The following LRMDA variants were observed in gnomAD, a reference collection of about 807,000 sequenced individuals.
The protein encoded by LRMDA is leucine-rich melanocyte differentiation-associated protein.
Under a neutral mutation model 29.8 loss-of-function variants are expected in LRMDA, and 18 were observed. That is an observed-to-expected ratio of 0.60 (90% confidence interval 0.42 to 0.90). The LOEUF is 0.90. Among genes scored for constraint, LRMDA ranks in the 40% least tolerant of loss-of-function variants. LRMDA has a pLI of 0.00. For synonymous variants in LRMDA, 125 were observed against 109.4 expected (o/e 1.14, Z -0.89); for missense variants, 273 against 273.9 (o/e 1.00, Z 0.02).
intron 2 of LRMDA, among the ~76,000 whole-genome samples, chr10:75,611,536 C>T (rs1841031805): frequency 6.6e-6 from 1 of 152,184 alleles, no homozygotes; most frequent in Admixed American, 6.5e-5. Context: ...TCCCCTCCTC[C>T]CCTCAGCCCC....
At chr10:76,106,457 T>C (rs1165534765) in intron 5 of LRMDA, among the ~76,000 whole-genome samples, 3 of 152,168 alleles carry the variant, frequency 2.0e-5, no homozygotes, top group Admixed American at 1.3e-4. Context: ...CCCCTGTTGG[T>C]CTTTAGCCAT....
chr10:76,335,667 G>A (rs1840958784), intron 6 of LRMDA, among the ~76,000 whole-genome samples: 4 of 152,214 alleles, frequency 2.6e-5, no homozygotes, highest in South Asian at 4.2e-4. Flanking sequence ...CTTTAAGTGG[G>A]GGGAGCTTCC....
chr10:76,271,525 G>A (rs1840067843), intron 5 of LRMDA, among the ~76,000 whole-genome samples: 1 of 152,078 alleles, frequency 6.6e-6, no homozygotes, highest in Non-Finnish European at 1.5e-5. Flanking sequence ...ACAAAGGAAT[G>A]CTCCCTATGG....
chr10:75,779,339 T>C (rs1232945389), intron 2 of LRMDA, among the ~76,000 whole-genome samples: 1 of 151,804 alleles, frequency 6.6e-6, no homozygotes, highest in Non-Finnish European at 1.5e-5. Flanking sequence ...CTGGGACCAG[T>C]AGAGAAAACA....
chr10:76,272,566 A>C (rs1840081169), intron 5 of LRMDA, among the ~76,000 whole-genome samples: 1 of 152,198 alleles, frequency 6.6e-6, no homozygotes, highest in East Asian at 1.9e-4. Flanking sequence ...TTCTAGAATA[A>C]TTTCTCAGCA....
intron 2 of LRMDA, among the ~76,000 whole-genome samples, chr10:75,960,998 A>G (rs560170742): frequency 6.6e-6 from 1 of 152,322 alleles, no homozygotes; most frequent in East Asian, 1.9e-4. Flanking sequence ...GATTTGTCAA[A>G]TCTTTGATAG....
At chr10:76,090,831 G>A (rs1207246987) in intron 5 of LRMDA, among the ~76,000 whole-genome samples, 3 of 152,182 alleles carry the variant, frequency 2.0e-5, no homozygotes, top group Admixed American at 1.3e-4. Flanking sequence ...GAGGGGTCGT[G>A]AGGGGCTGGG....
At chr10:76,325,418 C>T (rs1840822064) in intron 6 of LRMDA, among the ~76,000 whole-genome samples, 1 of 152,160 alleles carries the variant, frequency 6.6e-6, no homozygotes, top group African/African-American at 2.4e-5. Flanking sequence ...TTTAAATATA[C>T]TTTAGTTAAT....
At chr10:76,386,391 G>A (rs112664751) in intron 6 of LRMDA, among the ~76,000 whole-genome samples, 42 of 152,232 alleles carry the variant, frequency 2.8e-4, no homozygotes, top group African/African-American at 6.5e-4. Context: ...ACCCATTTTC[G>A]GTTAATACTA....
chr10:76,265,281 G>C (rs1165922936), intron 5 of LRMDA, among the ~76,000 whole-genome samples: 1 of 152,146 alleles, frequency 6.6e-6, no homozygotes, highest in South Asian at 2.1e-4. Context: ...ATAACGGTTT[G>C]GAGTTCTTTC....
intron 5 of LRMDA, among the ~76,000 whole-genome samples, chr10:76,115,073 G>A (rs1849645868): frequency 6.6e-6 from 1 of 152,210 alleles, no homozygotes; most frequent in African/African-American, 2.4e-5. Context: ...GAGTGACAAG[G>A]AGGCTCCTGG....
chr10:75,815,100 A>G (rs547766998), intron 2 of LRMDA, among the ~76,000 whole-genome samples: 37 of 152,280 alleles, frequency 2.4e-4, no homozygotes, highest in Non-Finnish European at 4.3e-4. Context: ...CTACCAGCCA[A>G]CTACTTCAAT....
At chr10:75,563,169 A>G (rs1175844251) in intron 2 of LRMDA, among the ~76,000 whole-genome samples, 1 of 152,062 alleles carries the variant, frequency 6.6e-6, no homozygotes, top group African/African-American at 2.4e-5. Flanking sequence ...AGGTACACCA[A>G]TCAGACGTAG....
At chr10:76,161,638 C>T (rs555185687) in intron 5 of LRMDA, among the ~76,000 whole-genome samples, 1 of 152,308 alleles carries the variant, frequency 6.6e-6, no homozygotes, top group African/African-American at 2.4e-5. Context: ...AGTCAGACTA[C>T]AACGCATGAA....
chr10:76,372,923 C>T (rs994069124), intron 6 of LRMDA, among the ~76,000 whole-genome samples: 23 of 152,112 alleles, frequency 1.5e-4, no homozygotes, highest in Non-Finnish European at 2.9e-4. Context: ...TGGAACACTG[C>T]TTCAGAAAAG....
At chr10:76,524,890 A>G (rs554043459) in intron 6 of LRMDA, among the ~76,000 whole-genome samples, 23 of 152,222 alleles carry the variant, frequency 1.5e-4, no homozygotes, top group Non-Finnish European at 2.9e-4. Flanking sequence ...TCCTCCACAT[A>G]TAAAATAAAC....
intron 6 of LRMDA, among the ~76,000 whole-genome samples, chr10:76,477,719 A>G (rs1842690723): frequency 6.6e-6 from 1 of 152,158 alleles, no homozygotes; most frequent in Admixed American, 6.5e-5. Flanking sequence ...GACCAATGGA[A>G]CAGAACAGAG....
At chr10:75,587,110 T>G (rs1263792041) in intron 2 of LRMDA, among the ~76,000 whole-genome samples, 2 of 152,228 alleles carry the variant, frequency 1.3e-5, no homozygotes, top group Non-Finnish European at 2.9e-5. Flanking sequence ...CAGTCTTGGC[T>G]CTTACATTTC....
At chr10:76,223,308 A>G (rs1360355715) in intron 5 of LRMDA, among the ~76,000 whole-genome samples, 12 of 152,154 alleles carry the variant, frequency 7.9e-5, no homozygotes, top group Admixed American at 7.9e-4. Context: ...TACTGAATAG[A>G]GAAACCATTA....
Sources: gnomAD v4.1 joint callset for allele counts (sites outside exome capture counted in the v4.1 genomes callset) on GRCh38, gnomAD v4.1.1 for gene constraint, MANE v1.5 for transcripts, NCBI Gene and HGNC (gene_info 2026-07-23, HGNC 2026-07-21) for gene names.